The following FBXW7 variants were observed in gnomAD, a reference collection of about 807,000 sequenced individuals.
FBXW7 encodes the protein F-box/WD repeat-containing protein 7.
A neutral mutation model predicts 86.3 loss-of-function variants in FBXW7; 11 were observed. The observed-to-expected ratio is 0.13, with a 90% CI of 0.08 to 0.21. The LOEUF (loss-of-function observed/expected upper bound fraction) is 0.21, where lower values mean the gene tolerates loss of function less well. FBXW7 is among the 10% of genes least tolerant of loss of function. The pLI is 1.00. For synonymous variants in FBXW7, 313 were observed against 297.9 expected (o/e 1.05, Z -0.52); for missense variants, 488 against 847.4 (o/e 0.58, Z 5.27).
intron 2 of FBXW7, among the ~76,000 whole-genome samples, chr4:152,520,097 C>CGAA (rs1436097026): frequency 6.6e-6 from 1 of 152,228 alleles, no homozygotes; most frequent in Non-Finnish European, 1.5e-5. Context: ...TCATACCCCT[C>CGAA]TCCTTCCTTG....
chr4:152,387,708 CTTTTTTTT>C (rs34073737), intron 4 of FBXW7, among the ~76,000 whole-genome samples: 7 of 112,796 alleles, frequency 6.2e-5, no homozygotes, highest in African/African-American at 1.8e-4. Flanking sequence ...CATGGCATAC[CTTTTTTTT>C]TTTTTTTTTT....
At chr4:152,521,851 C>T (rs1749051294) in intron 2 of FBXW7, among the ~76,000 whole-genome samples, 1 of 135,230 alleles carries the variant, frequency 7.4e-6, no homozygotes, top group Non-Finnish European at 1.5e-5. Flanking sequence ...CTGAGTCTCG[C>T]CCTGTCACCC....
At chr4:152,491,889 CTTG>C (rs1168606710) in intron 2 of FBXW7, among the ~76,000 whole-genome samples, 11 of 152,236 alleles carry the variant, frequency 7.2e-5, no homozygotes, top group African/African-American at 2.4e-4. Flanking sequence ...TTAGATAAAA[CTTG>C]TTTATTTTAT....
intron 2 of FBXW7, among the ~76,000 whole-genome samples, chr4:152,475,751 C>G (rs1394948535): frequency 6.6e-6 from 1 of 152,140 alleles, no homozygotes; most frequent in Non-Finnish European, 1.5e-5. Context: ...AGCAGTAGCA[C>G]TCACAATAGC....
chr4:152,420,489 G>A (rs951563908), intron 2 of FBXW7, among the ~76,000 whole-genome samples: 2 of 152,176 alleles, frequency 1.3e-5, no homozygotes, highest in Non-Finnish European at 2.9e-5. Context: ...ATCCTTCCCA[G>A]AAGGTTTTTG....
chr4:152,388,205 T>C lies in FBXW7; in HGVS notation c.501+23098A>G, dbSNP rs1735710723. Among the ~76,000 whole-genome samples, 9 of 152,318 alleles carry C rather than the reference T, an allele frequency of 5.9e-5. 1 individual carries two copies. The South Asian group carries it at 1.9e-3, about 32-fold the overall frequency. ...TCCAATTATAATGTATTTGAGACAT[T>C]ACATGTATGTAAACATTCAATGGAC... On this transcript the variant is annotated intron_variant, in intron 4 of 13. Transcript: ENST00000281708.
At chr4:152,329,646 G>C (rs2126524196) in intron 10 of FBXW7, 26 bp downstream of exon 10, 2 of 1,217,636 alleles carry the variant, frequency 1.6e-6, no homozygotes, top group Non-Finnish European at 2.3e-6. Context: ...TTATGACTTT[G>C]TGAAGTGTAG....
rs376075947 is a variant in FBXW7, at chr4:152,515,746, C to G, written c.-120+19195G>C. Among the ~76,000 whole-genome samples, 211 of 148,680 alleles carry G rather than the reference C, an allele frequency of 1.4e-3. 1 individual carries two copies. The highest frequency in any genetic ancestry group is 5.0e-3 in the African/African-American group (203 of 40,540). ...GATATTGTGGCTGGAAGAATAACCA[C>G]AACTCTCTTTTTTTTTTTTTTTTGC... is the stretch of plus-strand genomic sequence containing the variant. On this transcript the variant is annotated intron_variant, in intron 2 of 13. Transcript: ENST00000281708.
intron 4 of FBXW7, chr4:152,382,381 G>A: frequency 7.1e-7 from 1 of 1,405,516 alleles, no homozygotes; most frequent in Non-Finnish European, 9.3e-7. Flanking sequence ...ATGTAATACA[G>A]GCACATTACT....
chr4:152,350,362 T>C (rs1418601086), intron 4 of FBXW7, among the ~76,000 whole-genome samples: 1 of 151,680 alleles, frequency 6.6e-6, no homozygotes, highest in Non-Finnish European at 1.5e-5. Flanking sequence ...GTGTGATGAT[T>C]TGAAAACTGA....
intron 4 of FBXW7, among the ~76,000 whole-genome samples, chr4:152,375,065 T>A (rs938881050): frequency 1.3e-5 from 2 of 152,106 alleles, no homozygotes; most frequent in Non-Finnish European, 2.9e-5. Flanking sequence ...TAAATGAGAA[T>A]TAATCATAGC....
intron 4 of FBXW7, among the ~76,000 whole-genome samples, chr4:152,358,654 C>T (rs541069446): frequency 4.6e-5 from 7 of 152,194 alleles, no homozygotes; most frequent in South Asian, 2.1e-4. Context: ...TGGATTTAAG[C>T]GCAAGTTTTG....
At position 152,348,655 on chromosome 4, in the gene FBXW7, C is replaced by T. The variant is rs758665434; in HGVS notation, c.584+1387G>A. 13 of 914,876 alleles carry T rather than the reference C, an allele frequency of 1.4e-5. 1 individual carries two copies. In the South Asian group the frequency reaches 2.5e-4, roughly 18 times the overall value. The allele number at this position is 914,876 out of a possible 1,614,324, so 56.7% of individuals were successfully genotyped here. On this transcript the variant is annotated intron_variant, in intron 5 of 13. Transcript: ENST00000281708. ...CATTTATTCTAAGCTGCCTTAAAAACAAGTGAACAATGTAATACCTTTGTC... is the reference window on the plus strand; with the variant it reads ...CATTTATTCTAAGCTGCCTTAAAAATAAGTGAACAATGTAATACCTTTGTC...
At chr4:152,368,769 T>A (rs953329230) in intron 4 of FBXW7, among the ~76,000 whole-genome samples, 1 of 152,124 alleles carries the variant, frequency 6.6e-6, no homozygotes, top group Non-Finnish European at 1.5e-5. Flanking sequence ...TTAATTCTTA[T>A]ATAGCGATTT....
chr4:152,529,913 G>A lies in FBXW7; in HGVS notation c.-120+5028C>T, dbSNP rs963664628. ...TATCAAAAATACAAAAAAATTAGTC[G>A]GGCATGGTGGCGCATGCCTGTGATC... is the stretch of plus-strand genomic sequence containing the variant. On this transcript the variant is annotated intron_variant, in intron 2 of 13. Transcript: ENST00000281708. 9.2e-5 allele frequency among the ~76,000 whole-genome samples: 14 copies of A among 151,696 alleles called. No individual in the cohort carries two copies. In the East Asian group the frequency reaches 9.7e-4, roughly 10 times the overall value.
intron 4 of FBXW7, chr4:152,382,383 C>A (rs559764658): frequency 1.4e-6 from 2 of 1,402,658 alleles, no homozygotes; most frequent in Non-Finnish European, 9.3e-7. Context: ...GTAATACAGG[C>A]ACATTACTAA....
intron 7 of FBXW7, among the ~76,000 whole-genome samples, chr4:152,335,411 T>A (rs1032930826): frequency 6.6e-6 from 1 of 151,916 alleles, no homozygotes; most frequent in Non-Finnish European, 1.5e-5. Flanking sequence ...GAGGCTGCAG[T>A]GAGCTATGAT....
intron 2 of FBXW7, among the ~76,000 whole-genome samples, chr4:152,517,339 A>G (rs1275366739): frequency 2.0e-5 from 3 of 152,244 alleles, no homozygotes; most frequent in African/African-American, 7.2e-5. Context: ...AAATCTGAAT[A>G]AAGTCTACTA....
chr4:152,342,839 A>C (rs1730879797), intron 6 of FBXW7, among the ~76,000 whole-genome samples: 1 of 152,246 alleles, frequency 6.6e-6, no homozygotes, highest in Admixed American at 6.5e-5. Flanking sequence ...AGTCGTTAAA[A>C]TGTTAAAAAC....
Sources: allele counts gnomAD v4.1 joint callset (sites outside exome capture counted in the v4.1 genomes callset), GRCh38; gene constraint gnomAD v4.1.1; transcripts MANE v1.5; gene names NCBI Gene and HGNC (gene_info 2026-07-23, HGNC 2026-07-21).